Variants in TMEM132D observed in about 807,000 individuals in gnomAD.
TMEM132D encodes the protein mature OL transmembrane protein.
TMEM132D carries 21 observed loss-of-function variants against 62.3 expected under a neutral mutation model. That is an observed-to-expected ratio of 0.34 (90% CI 0.24 to 0.49). The LOEUF is 0.49. TMEM132D is among the 20% of genes least tolerant of loss of function. The probability of loss-of-function intolerance (pLI) is 0.99; values close to 1 mark genes in which losing one functional copy is unlikely to be tolerated. For synonymous variants in TMEM132D, 621 were observed against 575.6 expected, an observed-to-expected ratio of 1.08 and a Z score of -1.13; for missense variants, 1,346 against 1,402.8, an observed-to-expected ratio of 0.96 and a Z score of 0.65.
intron 2 of TMEM132D, among the ~76,000 whole-genome samples, chr12:129,587,188 A>T (rs974960543): frequency 6.6e-6 from 1 of 152,194 alleles, no homozygotes. Context: ...GTACATATAC[A>T]CCATGGAATA....
intron 5 of TMEM132D, among the ~76,000 whole-genome samples, chr12:129,124,654 T>G (rs1876159614): frequency 1.3e-5 from 2 of 152,238 alleles, no homozygotes. Flanking sequence ...TGTAGTTCAC[T>G]CTTCTGTGTT....
At chr12:129,861,971 G>A (rs1873914650) in intron 1 of TMEM132D, among the ~76,000 whole-genome samples, 2 of 151,660 alleles carry the variant, frequency 1.3e-5, no homozygotes, top group Admixed American at 6.6e-5. Flanking sequence ...CAACACACAA[G>A]GGTCATATAC....
intron 3 of TMEM132D, among the ~76,000 whole-genome samples, chr12:129,442,647 C>A (rs144966506): frequency 1.3e-5 from 2 of 151,908 alleles, no homozygotes; most frequent in African/African-American, 2.4e-5. Context: ...GTGCTAGAAG[C>A]GGTTATAGTC....
intron 5 of TMEM132D, among the ~76,000 whole-genome samples, chr12:129,086,443 C>G (rs1291678734): frequency 6.6e-6 from 1 of 152,110 alleles, no homozygotes; most frequent in African/African-American, 2.4e-5. Flanking sequence ...ATTCCACACT[C>G]TTTGTCCATG....
chr12:129,435,137 G>C lies in TMEM132D; in HGVS notation c.1115+95922C>G, dbSNP rs536745589. 6.2e-4 allele frequency among the ~76,000 whole-genome samples: 94 copies of C among 152,280 alleles called. 1 individual carries two copies. In the South Asian group the frequency reaches 0.019, roughly 31 times the overall value. On this transcript the variant is annotated intron_variant, in intron 3 of 8. Transcript: ENST00000422113. ...GTCTAGGTTTTTCCATGTTGCAAAA[G>C]ATAGGATTTTATTCTTTTTTAATGG...
At chr12:129,800,049 T>C (rs913003550) in intron 1 of TMEM132D, among the ~76,000 whole-genome samples, 3 of 152,176 alleles carry the variant, frequency 2.0e-5, no homozygotes, top group Non-Finnish European at 2.9e-5. Context: ...TCCTTGATCA[T>C]CGAATCCTAA....
chr12:129,638,480 AGT>A (rs1226185540), intron 2 of TMEM132D, among the ~76,000 whole-genome samples: 2 of 117,840 alleles, frequency 1.7e-5, no homozygotes, highest in African/African-American at 3.0e-5. Context: ...CTATATATAT[AGT>A]GTGATTTTTT....
intron 1 of TMEM132D, among the ~76,000 whole-genome samples, chr12:129,772,054 A>G (rs10847943): frequency 0.87 from 132,537 of 152,096 alleles, 57,757 homozygotes; most frequent in Middle Eastern, 0.92. Flanking sequence ...GAACTTGCCC[A>G]GAGGTATGCC....
chr12:129,334,012 T>C (rs1040169430), intron 4 of TMEM132D, among the ~76,000 whole-genome samples: 5 of 152,000 alleles, frequency 3.3e-5, no homozygotes, highest in African/African-American at 1.2e-4. Flanking sequence ...TCCCAGCTAC[T>C]TGAGAGGCTG....
intron 3 of TMEM132D, among the ~76,000 whole-genome samples, chr12:129,400,211 G>A (rs1348366482): frequency 1.3e-5 from 2 of 151,790 alleles, no homozygotes; most frequent in African/African-American, 2.4e-5. Context: ...AGGGTGAGGT[G>A]GGAAGAAACA....
At chr12:129,318,374 TG>T (rs1868560410) in intron 4 of TMEM132D, among the ~76,000 whole-genome samples, 1 of 152,210 alleles carries the variant, frequency 6.6e-6, no homozygotes, top group African/African-American at 2.4e-5. Context: ...CCTATGGATG[TG>T]GCTTCCTGTG....
chr12:129,760,901 A>G (rs1870353293), intron 1 of TMEM132D, among the ~76,000 whole-genome samples: 2 of 151,968 alleles, frequency 1.3e-5, no homozygotes, highest in African/African-American at 4.8e-5. Flanking sequence ...TATGGGTCAG[A>G]ACATGTGGTG....
At chr12:129,458,938 T>C (rs942772033) in intron 3 of TMEM132D, among the ~76,000 whole-genome samples, 11 of 152,124 alleles carry the variant, frequency 7.2e-5, no homozygotes, top group African/African-American at 2.7e-4. Flanking sequence ...CTCTCTCCAT[T>C]ATACAGAAAA....
intron 2 of TMEM132D, among the ~76,000 whole-genome samples, chr12:129,612,210 T>C (rs190553590): frequency 6.6e-6 from 1 of 152,272 alleles, no homozygotes; most frequent in African/African-American, 2.4e-5. Flanking sequence ...CATGGGGGTG[T>C]CCTTGTTCAC....
At chr12:129,170,763 G>A (rs960893444) in intron 5 of TMEM132D, among the ~76,000 whole-genome samples, 29 of 151,726 alleles carry the variant, frequency 1.9e-4, no homozygotes, top group African/African-American at 7.0e-4. Flanking sequence ...AGCCGAGATT[G>A]CACCACTGCC....
At chr12:129,249,835 A>T (rs1425051990) in intron 4 of TMEM132D, among the ~76,000 whole-genome samples, 1 of 152,212 alleles carries the variant, frequency 6.6e-6, no homozygotes, top group Non-Finnish European at 1.5e-5. Context: ...TCCCAGTGGA[A>T]GCAGACGGCA....
intron 3 of TMEM132D, among the ~76,000 whole-genome samples, chr12:129,509,572 ATTCT>A (rs1875438808): frequency 6.6e-6 from 1 of 152,110 alleles, no homozygotes; most frequent in African/African-American, 2.4e-5. Context: ...GGTCTTATTC[ATTCT>A]TTCTATTTTT....
intron 2 of TMEM132D, among the ~76,000 whole-genome samples, chr12:129,566,432 A>G (rs1877369964): frequency 6.7e-6 from 1 of 148,514 alleles, no homozygotes; most frequent in Admixed American, 6.7e-5. Context: ...AGGCCATTAT[A>G]AAAAGAGGGG....
chr12:129,341,446 C>T (rs935348828), intron 3 of TMEM132D, among the ~76,000 whole-genome samples: 4 of 152,314 alleles, frequency 2.6e-5, no homozygotes, highest in Admixed American at 2.6e-4. Flanking sequence ...ATCATCCTTA[C>T]AGATTTCTGA....
Sources: allele counts gnomAD v4.1 joint callset (sites outside exome capture counted in the v4.1 genomes callset), GRCh38; gene constraint gnomAD v4.1.1; transcripts MANE v1.5; gene names NCBI Gene and HGNC (gene_info 2026-07-23, HGNC 2026-07-21).